The following SORCS1 variants were observed in gnomAD, a reference collection of about 807,000 sequenced individuals.
The protein encoded by SORCS1 is sortilin related VPS10 domain containing receptor 1, also known as VPS10 domain-containing receptor SorCS1.
Under a neutral mutation model 146.1 loss-of-function variants are expected in SORCS1, and 60 were observed. The ratio of observed to expected loss-of-function variants is 0.41; its 90% confidence interval spans 0.33 to 0.51. SORCS1 has a LOEUF of 0.51. SORCS1 is among the 20% of genes least tolerant of loss of function. The pLI is 0.21. For synonymous variants in SORCS1, 637 were observed against 584.0 expected (o/e 1.09, Z -1.31); for missense variants, 1,352 against 1,487.6 (o/e 0.91, Z 1.50).
intron 1 of SORCS1, among the ~76,000 whole-genome samples, chr10:107,091,823 T>C (rs1048037114): frequency 1.3e-5 from 2 of 152,230 alleles, no homozygotes; most frequent in Admixed American, 6.5e-5. Flanking sequence ...CTCTTCCAGA[T>C]GGTAAAATGC....
intron 2 of SORCS1, among the ~76,000 whole-genome samples, chr10:106,938,256 CT>C (rs1420867992): frequency 1.4e-4 from 21 of 152,286 alleles, no homozygotes; most frequent in African/African-American, 4.1e-4. Context: ...ATTTCAGGAA[CT>C]TAGCACATCA....
chr10:106,704,103 G>A (rs557334156), intron 8 of SORCS1, among the ~76,000 whole-genome samples: 1 of 152,286 alleles, frequency 6.6e-6, no homozygotes, highest in South Asian at 2.1e-4. Flanking sequence ...CTATGAACAA[G>A]CAATGCAAAG....
intron 1 of SORCS1, among the ~76,000 whole-genome samples, chr10:107,019,581 T>C (rs1467985020): frequency 6.6e-6 from 1 of 152,240 alleles, no homozygotes; most frequent in Non-Finnish European, 1.5e-5. Context: ...ATTTCTTTCC[T>C]GTGATGCATA....
chr10:106,708,333 G>C (rs774054875), intron 7 of SORCS1, among the ~76,000 whole-genome samples: 49 of 152,094 alleles, frequency 3.2e-4, no homozygotes, highest in Non-Finnish European at 5.4e-4. Flanking sequence ...TAAACAAATT[G>C]CATCCTCAAA....
chr10:106,970,336 CTTTT>C (rs766818370), intron 1 of SORCS1, among the ~76,000 whole-genome samples: 5 of 89,452 alleles, frequency 5.6e-5, no homozygotes, highest in Non-Finnish European at 9.9e-5. Flanking sequence ...ACCAACATCT[CTTTT>C]TTTTTTTTTT....
chr10:106,905,111 A>G (rs1222294503), intron 2 of SORCS1, among the ~76,000 whole-genome samples: 1 of 152,212 alleles, frequency 6.6e-6, no homozygotes, highest in Non-Finnish European at 1.5e-5. Flanking sequence ...CAATTCTAAA[A>G]TAGCAGGAGG....
At chr10:106,618,890 A>G (rs2133477879) in intron 20 of SORCS1, among the ~76,000 whole-genome samples, 1 of 152,260 alleles carries the variant, frequency 6.6e-6, no homozygotes, top group South Asian at 2.1e-4. Context: ...AAAACAGAAA[A>G]AAAAGAAAAA....
intron 6 of SORCS1, among the ~76,000 whole-genome samples, chr10:106,722,474 T>C (rs1450366967): frequency 6.6e-6 from 1 of 152,116 alleles, no homozygotes. Context: ...AAGTTGTGAG[T>C]TTCTTTTATT....
intron 5 of SORCS1, among the ~76,000 whole-genome samples, chr10:106,732,232 G>A (rs1448820881): frequency 6.6e-6 from 1 of 152,074 alleles, no homozygotes; most frequent in African/African-American, 2.4e-5. Context: ...TCCTAATAAG[G>A]GTCTCATAAT....
At chr10:107,082,912 C>CT in intron 1 of SORCS1, among the ~76,000 whole-genome samples, 1 of 151,996 alleles carries the variant, frequency 6.6e-6, no homozygotes, top group East Asian at 1.9e-4. Flanking sequence ...CCAGACCACC[C>CT]TGCCTAACAT....
intron 1 of SORCS1, among the ~76,000 whole-genome samples, chr10:106,957,149 C>T (rs1357287501): frequency 7.5e-6 from 1 of 133,870 alleles, no homozygotes; most frequent in African/African-American, 2.8e-5. Flanking sequence ...TATCTATTAG[C>T]ATGTGGTTTT....
At chr10:106,647,030 T>C (rs57772999) in intron 18 of SORCS1, among the ~76,000 whole-genome samples, 1 of 143,688 alleles carries the variant, frequency 7.0e-6, no homozygotes, top group Non-Finnish European at 1.5e-5. Flanking sequence ...TATATATATA[T>C]ATATATATAT....
chr10:107,024,807 C>A (rs2133892657), intron 1 of SORCS1, among the ~76,000 whole-genome samples: 1 of 152,190 alleles, frequency 6.6e-6, no homozygotes, highest in South Asian at 2.1e-4. Context: ...CAGAGTACAT[C>A]TTTAAAAGAC....
At chr10:106,773,682 G>A (rs1462613533) in intron 4 of SORCS1, among the ~76,000 whole-genome samples, 1 of 152,192 alleles carries the variant, frequency 6.6e-6, no homozygotes, top group Non-Finnish European at 1.5e-5. Flanking sequence ...GGGCGTGGTG[G>A]CTCATGTCCG....
At chr10:106,645,341 T>C (rs1369668211) in intron 18 of SORCS1, among the ~76,000 whole-genome samples, 2 of 151,952 alleles carry the variant, frequency 1.3e-5, no homozygotes, top group Non-Finnish European at 2.9e-5. Context: ...GCTCATTTTG[T>C]TTGTAGCTGT....
At chr10:107,025,904 T>C (rs1313993356) in intron 1 of SORCS1, among the ~76,000 whole-genome samples, 2 of 152,208 alleles carry the variant, frequency 1.3e-5, no homozygotes, top group Non-Finnish European at 2.9e-5. Flanking sequence ...AATGCTGACA[T>C]GAAGAGATAA....
chr10:106,680,405 C>A (rs1852348540), intron 10 of SORCS1, among the ~76,000 whole-genome samples: 1 of 152,146 alleles, frequency 6.6e-6, no homozygotes, highest in Non-Finnish European at 1.5e-5. Flanking sequence ...CATTTGAGAC[C>A]TTGGTCTCAG....
intron 3 of SORCS1, among the ~76,000 whole-genome samples, chr10:106,790,951 G>T (rs1223474970): frequency 6.6e-6 from 1 of 152,252 alleles, no homozygotes; most frequent in African/African-American, 2.4e-5. Flanking sequence ...CCCCAAAAAC[G>T]TACTCAGAAT....
chr10:106,937,306 A>G (rs760805409), intron 2 of SORCS1, among the ~76,000 whole-genome samples: 6 of 150,160 alleles, frequency 4.0e-5, no homozygotes, highest in Non-Finnish European at 8.9e-5. Flanking sequence ...AGTAGCTGGG[A>G]TTTACAGGTG....
Sources: gnomAD v4.1 joint callset for allele counts (sites outside exome capture counted in the v4.1 genomes callset) on GRCh38, gnomAD v4.1.1 for gene constraint, MANE v1.5 for transcripts, NCBI Gene and HGNC (gene_info 2026-07-23, HGNC 2026-07-21) for gene names.